Variants in WNT5B observed in about 807,000 individuals in gnomAD.
WNT5B encodes the protein Wnt family member 5B.
WNT5B carries 18 observed loss-of-function variants against 36.5 expected under a neutral mutation model. That is an observed-to-expected ratio of 0.49 (90% confidence interval 0.34 to 0.73). WNT5B has a LOEUF of 0.73. Ranked by LOEUF, WNT5B falls within the 30% of genes least tolerant of loss-of-function variation. WNT5B has a pLI of 0.01. For missense variants in WNT5B, 424 were observed against 508.4 expected (o/e 0.83, Z 1.60); for synonymous variants, 213 against 212.3 (o/e 1.00, Z -0.03).
intron 4 of WNT5B, among the ~76,000 whole-genome samples, 172 bp downstream of exon 4, chr12:1,640,148 A>G (rs1305513469): frequency 6.6e-6 from 1 of 152,220 alleles, no homozygotes; most frequent in Non-Finnish European, 1.5e-5. Context: ...CCTTTTCAAA[A>G]TGCCCCACTT....
upstream of WNT5B, among the ~76,000 whole-genome samples, chr12:1,628,742 C>T (rs972577859): frequency 6.6e-6 from 1 of 152,160 alleles, no homozygotes; most frequent in African/African-American, 2.4e-5. Context: ...GCTGATGAAA[C>T]CAGTCGCCAG....
intron 3 of WNT5B, among the ~76,000 whole-genome samples, chr12:1,636,526 T>C (rs2094561614): frequency 3.0e-5 from 2 of 65,868 alleles, no homozygotes; most frequent in Admixed American, 1.9e-4. Context: ...TATATATATA[T>C]ATATATATAT....
At chr12:1,639,553 G>GTGTT (rs1304178403) in intron 3 of WNT5B, 131 bp from the exon 4 acceptor site, 23 of 982,926 alleles carry the variant, frequency 2.3e-5, no homozygotes, top group Non-Finnish European at 3.3e-5. Flanking sequence ...AGAGCTACGG[G>GTGTT]AAGCGAAGCC....
rs2094529983 is a variant in WNT5B, at chr12:1,618,669, C to T, written c.-58+1526C>T. On this transcript the variant is annotated intron_variant, in intron 1 of 4. Transcript: ENST00000310594. The surrounding 1 kb of genome is among the most constrained non-coding windows in gnomAD (Gnocchi z 4.1). ...AACTTCCTCTTTCTTATCATCTGCACAGAATAAGACTTCCAGTGGACTTTT... is the reference window on the plus strand; with the variant it reads ...AACTTCCTCTTTCTTATCATCTGCATAGAATAAGACTTCCAGTGGACTTTT... Among the ~76,000 whole-genome samples, 1 of 152,176 alleles carries T rather than the reference C, an allele frequency of 6.6e-6. No homozygotes were observed. Among genetic ancestry groups the T allele is most frequent in the African/African-American group, 2.4e-5 (1 of 41,438 alleles).
chr12:1,641,612 G>T (rs781570380), intron 4 of WNT5B, among the ~76,000 whole-genome samples: 19 of 151,914 alleles, frequency 1.3e-4, no homozygotes, highest in Admixed American at 3.3e-4. Context: ...AGACCAGGCT[G>T]GCCAACATGG....
In WNT5B at chr12:1,633,671, T is replaced by A. The variant is rs1275366259; in HGVS notation, c.328+766T>A. On this transcript the variant is annotated intron_variant, in intron 3 of 4. Coordinates refer to ENST00000397196, the MANE Select transcript of WNT5B (RefSeq NM_032642.3). The surrounding 1 kb of genome is among the most constrained non-coding windows in gnomAD (Gnocchi z 4.8). Reference sequence around the variant, plus strand: ...TCCGGCCCTATTCTACTGGGTCTTATCCCCAGGGCCATAAAAGGGAAGTGT... The same window carrying A: ...TCCGGCCCTATTCTACTGGGTCTTAACCCCAGGGCCATAAAAGGGAAGTGT... Among the ~76,000 whole-genome samples, 1 of 152,204 alleles carries A rather than the reference T, an allele frequency of 6.6e-6. No individual in the cohort carries two copies. The highest frequency in any genetic ancestry group is 1.5e-5 in the Non-Finnish European group (1 of 68,042).
At chr12:1,623,475 T>A (rs6489306) in intron 1 of WNT5B, among the ~76,000 whole-genome samples, 6 of 151,766 alleles carry the variant, frequency 4.0e-5, no homozygotes, top group Admixed American at 2.0e-4. Context: ...GATTACAGGC[T>A]TGAGCCACCG....
In WNT5B at chr12:1,646,073, G is replaced by A. The variant is rs2094585114; in HGVS notation, c.901G>A (p.Gly301Ser). 6.2e-7 allele frequency: 1 copy of A among 1,613,770 alleles called. No individual in the cohort carries two copies. The highest frequency in any genetic ancestry group is 8.5e-7 in the Non-Finnish European group (1 of 1,180,034). ...GAGCACGGGCTCCCTGGGCACGCAG[G>A]GCCGCCTCTGCAACAAGACCTCGGA... ...NESTGSLGTQ[G>S]RLCNKTSEGM... is the part of the protein sequence containing the mutation. Residue 301 changes from glycine (G) to serine (S), a missense_variant, in exon 5 of 5, where the codon GGC becomes AGC. Physicochemically the swap from Gly to Ser is moderately conservative, Grantham distance 56. Transcript: ENST00000397196.
intron 4 of WNT5B, 93 bp from the exon 5 acceptor site, chr12:1,645,701 C>T (rs2094583991): frequency 1.6e-6 from 2 of 1,228,234 alleles, no homozygotes; most frequent in South Asian, 1.5e-5. Context: ...CTACCGGCCC[C>T]TCCTGTGTAC....
chr12:1,617,591 A>G (rs1269065087), intron 1 of WNT5B, among the ~76,000 whole-genome samples: 1 of 152,088 alleles, frequency 6.6e-6, no homozygotes, highest in Non-Finnish European at 1.5e-5. Context: ...TGATCACACC[A>G]CTGCAGTCCA....
In WNT5B at chr12:1,632,951, C is replaced by A; in HGVS notation, c.328+46C>A. The A allele has an allele frequency of 6.4e-7, 1 of 1,562,096 alleles. No individual in the cohort carries two copies. Among genetic ancestry groups the A allele is most frequent in the South Asian group, 1.2e-5 (1 of 83,778 alleles). On this transcript the variant is annotated intron_variant, in intron 3 of 4. Transcript: ENST00000397196. This position sits in a 1 kb window ranked among gnomAD's most constrained non-coding sequence, Gnocchi z 5.8. ...GGCTCGGCCAAGGAACTGCACTCGT[C>A]TCGTTTGGGAGCAATTAAGCTCTCT...
At chr12:1,631,902 G>C (rs556453143) in intron 2 of WNT5B, among the ~76,000 whole-genome samples, 1 of 152,156 alleles carries the variant, frequency 6.6e-6, no homozygotes, top group Non-Finnish European at 1.5e-5. Context: ...CAAGTTGACA[G>C]GGAAATGGCA....
At chr12:1,625,639 A>C (rs1592518569), upstream of WNT5B, among the ~76,000 whole-genome samples, 1 of 152,176 alleles carries the variant, frequency 6.6e-6, no homozygotes, top group East Asian at 1.9e-4. Context: ...TGTTAACAAA[A>C]TTGCAAATGT....
In WNT5B at chr12:1,633,682, A is replaced by G. The variant is rs1422281072; in HGVS notation, c.328+777A>G. ...TCTACTGGGTCTTATCCCCAGGGCC[A>G]TAAAAGGGAAGTGTTAGAATGCTGT... On this transcript the variant is annotated intron_variant, in intron 3 of 4. Transcript: ENST00000397196. The surrounding 1 kb of genome is among the most constrained non-coding windows in gnomAD (Gnocchi z 4.8). Among the ~76,000 whole-genome samples the G allele has an allele frequency of 6.6e-6, 1 of 152,242 alleles. No individual in the cohort carries two copies. The highest frequency in any genetic ancestry group is 1.5e-5 in the Non-Finnish European group (1 of 68,034).
In WNT5B at chr12:1,646,219, C is replaced by T. The variant is rs781495527; in HGVS notation, c.1047C>T (p.Cys349=). The change falls in exon 5 of 5, where the codon TGC becomes TGT. Residue 349 remains cysteine, a synonymous_variant. Transcript: ENST00000397196. The part of the protein sequence containing the change: ...HWCCFVRCKK[C]TEIVDQYICK ...GCTGCTTCGTCAGGTGTAAGAAGTG[C>T]ACGGAGATCGTGGACCAGTACATCT... 13 of 1,613,330 alleles carry T rather than the reference C, an allele frequency of 8.1e-6. No homozygotes were observed. The Admixed American group carries it at 2.2e-4, about 27-fold the overall frequency.
At chr12:1,636,478 G>T (rs1274223087) in intron 3 of WNT5B, among the ~76,000 whole-genome samples, 1 of 126,292 alleles carries the variant, frequency 7.9e-6, no homozygotes, top group African/African-American at 3.0e-5. Flanking sequence ...ATGATTTAAA[G>T]GTTCATCTGT....
intron 1 of WNT5B, among the ~76,000 whole-genome samples, chr12:1,623,244 G>A (rs1271937590): frequency 1.6e-5 from 2 of 122,282 alleles, no homozygotes; most frequent in Admixed American, 1.0e-4. Flanking sequence ...AGCCCAGGCC[G>A]GACTGCAGTG....
chr12:1,631,390 G>A lies in WNT5B; in HGVS notation c.36G>A (p.Leu12=). The stretch of plus-strand genomic sequence containing the variant: ...TGCTGCTGCTGTTCACGGCTGCTCT[G>A]CTGTCCAGCTGGGCTCAGCTTCTGA... ...PSLLLLFTAA[L]LSSWAQLLTD... is the part of the protein sequence containing the mutation. Residue 12 remains leucine (L), a synonymous_variant, in exon 2 of 5, where the codon CTG becomes CTA. Transcript: ENST00000397196. The A allele has an allele frequency of 6.2e-7, 1 of 1,614,166 alleles. No homozygotes were observed. Among genetic ancestry groups the A allele is most frequent in the Non-Finnish European group, 8.5e-7 (1 of 1,180,038 alleles).
intron 3 of WNT5B, among the ~76,000 whole-genome samples, chr12:1,636,885 T>G (rs1040511167): frequency 6.6e-6 from 1 of 152,138 alleles, no homozygotes; most frequent in South Asian, 2.1e-4. Context: ...TTTTTGTATT[T>G]TTAGTAGAGA....
Sources: allele counts gnomAD v4.1 joint callset (sites outside exome capture counted in the v4.1 genomes callset), GRCh38; gene constraint gnomAD v4.1.1; non-coding constraint Gnocchi (gnomAD v3.1); transcripts MANE v1.5; gene names NCBI Gene and HGNC (gene_info 2026-07-23, HGNC 2026-07-21).